PRG4: variants seen among roughly 807,000 people sequenced by gnomAD.
PRG4 encodes articular superficial zone protein.
In PRG4, 61 loss-of-function variants were observed where a neutral mutation model predicts 91.2. That is an observed-to-expected ratio of 0.67 (90% confidence interval 0.54 to 0.83). The LOEUF is 0.83. Ranked by LOEUF, PRG4 falls within the 40% of genes least tolerant of loss-of-function variation. PRG4 has a pLI of 0.00. For missense variants in PRG4, 1,564 were observed against 1,714.2 expected, an observed-to-expected ratio of 0.91 and a Z score of 1.55; for synonymous variants, 576 against 614.2, an observed-to-expected ratio of 0.94 and a Z score of 0.92.
intron 6 of PRG4, 120 bp downstream of exon 6, chr1:186,305,042 T>C (rs1222498253): frequency 8.7e-7 from 1 of 1,149,090 alleles, no homozygotes; most frequent in Admixed American, 2.3e-5. Flanking sequence ...TATAACTTTA[T>C]GAATATTATC....
At position 186,304,230 on chromosome 1, in the gene PRG4, G is replaced by A. The variant is rs1197033980; in HGVS notation, c.442G>A (p.Val148Ile). 6.2e-7 allele frequency: 1 copy of A among 1,613,626 alleles called. No individual in the cohort carries two copies. The highest frequency in any genetic ancestry group is 1.3e-5 in the African/African-American group (1 of 75,016). Residue 148 changes from valine to isoleucine, a missense_variant, in exon 5 of 13, where the codon GTT becomes ATT. Val to Ile is a conservative substitution (Grantham distance 29). Around this residue, in one of 3 missense-constraint regions of PRG4, gnomAD observed 437 missense variants for 459.0 expected, o/e 0.95. Transcript: ENST00000445192. The stretch of plus-strand genomic sequence containing the variant: ...ACCAAACAAGAAGAAGACTAAGAAA[G>A]TTATAGAATCAGAGGAAATAACAGA... ...KPPNKKKTKK[V>I]IESEEITEEH...
chr1:186,308,639 A>C lies in PRG4; in HGVS notation c.2920A>C (p.Thr974Pro), dbSNP rs1656928578. 6.2e-7 allele frequency: 1 copy of C among 1,612,418 alleles called. No individual in the cohort carries two copies. The highest frequency in any genetic ancestry group is 1.3e-5 in the African/African-American group (1 of 74,716). The change falls in exon 7 of 13, where the codon ACT (threonine) becomes CCT (proline). Residue 974 changes from threonine to proline, a missense_variant. By Grantham distance (38) the Thr-to-Pro change is conservative. Coordinates refer to ENST00000445192, the MANE Select transcript of PRG4 (RefSeq NM_005807.6). Reference sequence around the variant, plus strand: ...TCAAGATACCACACCATTCAAAATTACTACTCTTAAAACAACTACTCTTGC... The same window carrying C: ...TCAAGATACCACACCATTCAAAATTCCTACTCTTAAAACAACTACTCTTGC... ...TTQDTTPFKI[T>P]TLKTTTLAPK...
intron 6 of PRG4, among the ~76,000 whole-genome samples, chr1:186,305,171 C>G (rs1310796362): frequency 6.6e-6 from 1 of 152,128 alleles, no homozygotes; most frequent in East Asian, 1.9e-4. Flanking sequence ...CAAGATGGCA[C>G]CAGAGATGAT....
At chr1:186,312,480 A>C in intron 11 of PRG4, 108 bp downstream of exon 11, 2 of 1,128,048 alleles carry the variant, frequency 1.8e-6, no homozygotes, top group Non-Finnish European at 2.5e-6. Flanking sequence ...CAGCCCTAAT[A>C]ATTTAAGCTT....
intron 8 of PRG4, 119 bp downstream of exon 8, chr1:186,309,989 C>T (rs1328240523): frequency 7.6e-6 from 6 of 792,458 alleles, no homozygotes; most frequent in Non-Finnish European, 1.3e-5. Context: ...GATTGATAAG[C>T]ACACCTCACA....
intron 4 of PRG4, among the ~76,000 whole-genome samples, chr1:186,303,712 A>G (rs2102015495): frequency 6.6e-6 from 1 of 152,320 alleles, no homozygotes; most frequent in East Asian, 1.9e-4. Flanking sequence ...TAAAACAGAA[A>G]AAAATGAATA....
chr1:186,312,453 T>A, intron 11 of PRG4, 81 bp downstream of exon 11: 1 of 1,301,144 alleles, frequency 7.7e-7, no homozygotes, highest in Middle Eastern at 2.3e-4. Context: ...GCTTATGAAA[T>A]ATGGATACTG....
At chr1:186,300,047 T>A (rs748614339) in intron 2 of PRG4, 44 bp from the exon 3 acceptor site, 1 of 1,608,110 alleles carries the variant, frequency 6.2e-7, no homozygotes, top group East Asian at 2.2e-5. Flanking sequence ...TCCCTTTCTA[T>A]AAAGTGGTTT....
Position 186,302,308 on chromosome 1 carries a change from G to A in PRG4, c.319+597G>A, listed in dbSNP as rs1656276181. On this transcript the variant is annotated intron_variant, in intron 4 of 12. Coordinates refer to ENST00000445192, the MANE Select transcript of PRG4 (RefSeq NM_005807.6). ...TGTGCATGGTAAAGTCAATAACAAG[G>A]GATATTCCCATCTTAAAATCAAATT... 2.0e-5 allele frequency among the ~76,000 whole-genome samples: 3 copies of A among 152,154 alleles called. No individual in the cohort carries two copies. In the South Asian group the frequency reaches 6.2e-4, roughly 32 times the overall value.
intron 12 of PRG4, 121 bp downstream of exon 12, chr1:186,313,015 C>A: frequency 2.8e-6 from 3 of 1,078,788 alleles, no homozygotes; most frequent in Middle Eastern, 2.2e-4. Flanking sequence ...GGTACTTATT[C>A]TAATTGCTGT....
chr1:186,299,727 T>C (rs997373254), intron 2 of PRG4, among the ~76,000 whole-genome samples: 2 of 152,236 alleles, frequency 1.3e-5, no homozygotes, highest in African/African-American at 4.8e-5. Context: ...TGATAATGTA[T>C]GACTCAGCAC....
At chr1:186,299,509 A>T (rs1365822070) in intron 2 of PRG4, among the ~76,000 whole-genome samples, 6 of 152,232 alleles carry the variant, frequency 3.9e-5, no homozygotes, top group Non-Finnish European at 7.3e-5. Context: ...AGGTGACCAT[A>T]AAATGTATTA....
At position 186,313,933 on chromosome 1, in the gene PRG4, G is replaced by T; in HGVS notation, c.*155G>T. On this transcript the variant is annotated 3_prime_UTR_variant, in exon 13 of 13. Coordinates refer to ENST00000445192, the MANE Select transcript of PRG4 (RefSeq NM_005807.6). ...ACAATCATTACACTAAAACAGATTT[G>T]ATAATCTTATTCACAGTTGTTATTG... The T allele has an allele frequency of 6.3e-7, 1 of 1,594,928 alleles. No homozygotes were observed. Among genetic ancestry groups the T allele is most frequent in the South Asian group, 1.1e-5 (1 of 90,276 alleles).
chr1:186,306,361 C>A lies in PRG4; in HGVS notation c.642C>A (p.Pro214=). ...ACAGAACTAAAAAGAAACCTACCCCCAAACCACCAGTTGTAGATGAAGCTG... is the reference window on the plus strand; with the variant it reads ...ACAGAACTAAAAAGAAACCTACCCCAAAACCACCAGTTGTAGATGAAGCTG... The part of the protein sequence containing the change: ...KKNRTKKKPT[P]KPPVVDEAGS... Residue 214 remains proline (P), a synonymous_variant, in exon 7 of 13, where the codon CCC becomes CCA. Coordinates refer to ENST00000445192, the MANE Select transcript of PRG4 (RefSeq NM_005807.6). 6.2e-7 allele frequency: 1 copy of A among 1,610,052 alleles called. No homozygotes were observed. Among genetic ancestry groups the A allele is most frequent in the Non-Finnish European group, 8.5e-7 (1 of 1,178,690 alleles).
rs539584407 is a variant in PRG4 at position 186,308,586 on chromosome 1, C to T, written c.2867C>T (p.Thr956Ile). The T allele has an allele frequency of 8.1e-6, 13 of 1,613,600 alleles. No homozygotes were observed. In the East Asian group the frequency reaches 1.6e-4, roughly 19 times the overall value. Residue 956 changes from threonine (T) to isoleucine (I), a missense_variant, in exon 7 of 13, where the codon ACA becomes ATA. Thr to Ile is a moderately conservative substitution (Grantham distance 89). Coordinates refer to ENST00000445192, the MANE Select transcript of PRG4 (RefSeq NM_005807.6). ...EKTTESKITA[T>I]TTQVTSTTTQ... ...ACTACCGAATCCAAAATAACAGCTA[C>T]AACCACACAAGTAACATCTACCACA...
In PRG4 at chr1:186,309,065, C is replaced by A. The variant is rs771937521; in HGVS notation, c.3346C>A (p.Pro1116Thr). Residue 1116 changes from proline to threonine, a missense_variant, in exon 7 of 13, where the codon CCT (proline) becomes ACT (threonine). By Grantham distance (38) the Pro-to-Thr change is conservative. Around this residue, in one of 3 missense-constraint regions of PRG4, gnomAD observed 1,079 missense variants for 1,162.2 expected, o/e 0.93. Coordinates refer to ENST00000445192, the MANE Select transcript of PRG4 (RefSeq NM_005807.6). ...HMLLRPHVFM[P>T]EVTPDMDYLP... The stretch of plus-strand genomic sequence containing the variant: ...GCTTCTCAGGCCCCATGTGTTCATG[C>A]CTGAAGTTACTCCCGACATGGATTA... 3 of 1,613,978 alleles carry A rather than the reference C, an allele frequency of 1.9e-6. No individual in the cohort carries two copies. Among genetic ancestry groups the A allele is most frequent in the Non-Finnish European group, 2.5e-6 (3 of 1,179,906 alleles).
chr1:186,298,228 A>G (rs964559260), intron 2 of PRG4, among the ~76,000 whole-genome samples: 2 of 151,868 alleles, frequency 1.3e-5, no homozygotes, highest in African/African-American at 4.8e-5. Flanking sequence ...ACAAAATACA[A>G]AAAAATTAGC....
intron 12 of PRG4, 183 bp from the exon 13 acceptor site, chr1:186,313,498 T>A: frequency 1.8e-6 from 1 of 546,352 alleles, no homozygotes; most frequent in Non-Finnish European, 3.2e-6. Context: ...TTTTGAAACA[T>A]CAAAAAAGCT....
rs1443703407 is a variant in PRG4 at position 186,300,182 on chromosome 1, C to T, written c.168C>T (p.Cys56=). The change falls in exon 3 of 13, where the codon TGC becomes TGT. Residue 56 remains cysteine, a synonymous_variant. Transcript: ENST00000445192. ...ATAACTGTCAACACTACATGGAGTG[C>T]TGCCCTGATTTCAAGAGAGTCTGCA... ...CDYNCQHYME[C]CPDFKRVCTA... The T allele has an allele frequency of 6.2e-7, 1 of 1,614,136 alleles. No individual in the cohort carries two copies. The highest frequency in any genetic ancestry group is 1.7e-5 in the Admixed American group (1 of 60,024).
Sources: gnomAD v4.1 joint callset for allele counts (sites outside exome capture counted in the v4.1 genomes callset) on GRCh38, gnomAD v4.1.1 for gene constraint, gnomAD v4.1.1 regional missense constraint, MANE v1.5 for transcripts, NCBI Gene and HGNC (gene_info 2026-07-23, HGNC 2026-07-21) for gene names.